PTPRB: variants seen among roughly 807,000 people sequenced by gnomAD.
PTPRB encodes protein tyrosine phosphatase receptor type B, also known as receptor-type tyrosine-protein phosphatase beta.
A neutral mutation model predicts 238.1 loss-of-function variants in PTPRB; 97 were observed. The ratio of observed to expected loss-of-function variants is 0.41; its 90% confidence interval spans 0.35 to 0.48. PTPRB has a LOEUF of 0.48. Among genes scored for constraint, PTPRB ranks in the 20% least tolerant of loss-of-function variants. PTPRB has a pLI of 0.30. For missense variants in PTPRB, 2,292 were observed against 2,681.9 expected (o/e 0.85, Z 3.21); for synonymous variants, 970 against 995.4 (o/e 0.97, Z 0.48).
At chr12:70,606,266 T>C (rs1422158042) in intron 4 of PTPRB, among the ~76,000 whole-genome samples, 3 of 152,240 alleles carry the variant, frequency 2.0e-5, no homozygotes, top group African/African-American at 7.2e-5. Flanking sequence ...CAGTATTATG[T>C]TTGATACATG....
chr12:70,536,061 G>A lies in PTPRB; in HGVS notation c.6045C>T (p.Asn2015=), dbSNP rs529751141. 6.2e-7 allele frequency: 1 copy of A among 1,613,816 alleles called. No homozygotes were observed. Among genetic ancestry groups the A allele is most frequent in the Non-Finnish European group, 8.5e-7 (1 of 1,179,802 alleles). Residue 2015 remains asparagine (N), a synonymous_variant, in exon 29 of 34, where the codon AAC becomes AAT. Transcript: ENST00000334414. The part of the protein sequence containing the change: ...WKMVWEQNVH[N]IVMVTQCVEK... ...CAACACACTGGGTCACCATGACGAT[G>A]TTGTGAACGTTTTGTTCCCACACCA...
At chr12:70,580,992 C>T (rs1176754812) in intron 10 of PTPRB, 44 bp downstream of exon 10, 1 of 1,583,542 alleles carries the variant, frequency 6.3e-7, no homozygotes, top group African/African-American at 1.3e-5. Context: ...GTCTCATGTA[C>T]TCAGATCTTA....
chr12:70,560,459 G>A lies in PTPRB; in HGVS notation c.4432+212C>T, dbSNP rs1442948369. ...GAGGCCTAGAGATGCTCAATGACTTGCCCAGATTCATAGAGCTAAGCTAAG... is the reference window on the plus strand; with the variant it reads ...GAGGCCTAGAGATGCTCAATGACTTACCCAGATTCATAGAGCTAAGCTAAG... On this transcript the variant is annotated intron_variant, in intron 17 of 33. Transcript: ENST00000334414. This position sits in a 1 kb window ranked among gnomAD's most constrained non-coding sequence, Gnocchi z 4.2. 6.6e-6 allele frequency among the ~76,000 whole-genome samples: 1 copy of A among 152,088 alleles called. No individual in the cohort carries two copies. The highest frequency in any genetic ancestry group is 1.5e-5 in the Non-Finnish European group (1 of 68,044).
chr12:70,618,761 A>T (rs1328085454), intron 3 of PTPRB, among the ~76,000 whole-genome samples: 2 of 152,244 alleles, frequency 1.3e-5, no homozygotes, highest in African/African-American at 4.8e-5. Flanking sequence ...ACTATTTATA[A>T]AAGTGACAAT....
chr12:70,526,551 AT>A (rs1872471738), intron 32 of PTPRB, among the ~76,000 whole-genome samples: 1 of 152,346 alleles, frequency 6.6e-6, no homozygotes, highest in East Asian at 1.9e-4. Context: ...GAGGCCTGCA[AT>A]AATATTGATA....
chr12:70,618,637 G>A (rs1884783254), intron 3 of PTPRB, among the ~76,000 whole-genome samples: 1 of 152,054 alleles, frequency 6.6e-6, no homozygotes, highest in Non-Finnish European at 1.5e-5. Context: ...ATAAGTTCTG[G>A]GACTAGGGTC....
In PTPRB at chr12:70,635,765, C is replaced by T. The variant is rs1885654396; in HGVS notation, c.357G>A (p.Val119=). Residue 119 remains valine, a synonymous_variant, in exon 2 of 34, where the codon GTG becomes GTA. Transcript: ENST00000334414. ...GGAGGTATTTCCTGGCCTTCTTGAC[C>T]ACTACTCTGGAGCCTTGTTTCTGGA... ...LFLQKQGSRV[V]VKKARKYLHS... is the part of the protein sequence containing the mutation. The T allele has an allele frequency of 6.2e-7, 1 of 1,613,728 alleles. No homozygotes were observed. Among genetic ancestry groups the T allele is most frequent in the Admixed American group, 1.7e-5 (1 of 59,954 alleles).
intron 18 of PTPRB, chr12:70,559,125 A>T (rs922863129): frequency 9.8e-6 from 6 of 610,032 alleles, no homozygotes; most frequent in Non-Finnish European, 1.2e-5. Context: ...AGTACGTCCT[A>T]CCTAATTGTA....
At chr12:70,532,263 T>A in intron 31 of PTPRB, 93 bp from the exon 32 acceptor site, 1 of 1,409,466 alleles carries the variant, frequency 7.1e-7, no homozygotes. Context: ...TTTTTTTCCC[T>A]TCCCAGTTAT....
At position 70,624,050 on chromosome 12, in the gene PTPRB, T is replaced by C. The variant is rs182087747; in HGVS notation, c.452-1404A>G. Among the ~76,000 whole-genome samples, 508 of 152,310 alleles carry C rather than the reference T, an allele frequency of 3.3e-3. 4 individuals are homozygous for C. The highest frequency in any genetic ancestry group is 4.6e-3 in the Non-Finnish European group (315 of 68,012). ...TAAAATAATCTTGGCTATAAAGCAG[T>C]CTTTCCTTGAGATACAAAGGGTTGT... On this transcript the variant is annotated intron_variant, in intron 2 of 33. Transcript: ENST00000334414.
At chr12:70,544,010 C>T (rs1875574566) in intron 22 of PTPRB, among the ~76,000 whole-genome samples, 1 of 152,192 alleles carries the variant, frequency 6.6e-6, no homozygotes, top group Non-Finnish European at 1.5e-5. Flanking sequence ...CAGGCTTTCC[C>T]TCTAACACAC....
At chr12:70,564,147 T>C (rs1391035641) in intron 15 of PTPRB, among the ~76,000 whole-genome samples, 1 of 152,184 alleles carries the variant, frequency 6.6e-6, no homozygotes, top group Non-Finnish European at 1.5e-5. Flanking sequence ...TGCATGACTT[T>C]CTCATTTCTT....
intron 4 of PTPRB, 113 bp downstream of exon 4, chr12:70,608,956 G>T: frequency 1.5e-6 from 2 of 1,357,006 alleles, no homozygotes; most frequent in Non-Finnish European, 2.0e-6. Context: ...ATCTTCACAG[G>T]TATTTTTACC....
chr12:70,605,527 A>T (rs977610084), intron 4 of PTPRB, among the ~76,000 whole-genome samples: 5 of 152,200 alleles, frequency 3.3e-5, no homozygotes, highest in Admixed American at 3.3e-4. Context: ...GCTCCCTAAA[A>T]TTTTCAAATG....
chr12:70,623,609 A>G (rs1246592497), intron 2 of PTPRB, among the ~76,000 whole-genome samples: 1 of 152,046 alleles, frequency 6.6e-6, no homozygotes, highest in Non-Finnish European at 1.5e-5. Context: ...CTTCCCATCA[A>G]CTCCATAGTG....
chr12:70,628,289 T>C (rs534988988), intron 2 of PTPRB, among the ~76,000 whole-genome samples: 1 of 152,348 alleles, frequency 6.6e-6, no homozygotes, highest in African/African-American at 2.4e-5. Context: ...TGACATTCTA[T>C]ATTCAGTGTT....
At chr12:70,586,949 T>A (rs1451274021) in intron 9 of PTPRB, 58 bp downstream of exon 9, 17 of 1,509,328 alleles carry the variant, frequency 1.1e-5, no homozygotes, top group Non-Finnish European at 1.4e-5. Flanking sequence ...AATTGCATGT[T>A]AAATAGTAAT....
At chr12:70,549,131 C>T (rs1339526285) in intron 21 of PTPRB, among the ~76,000 whole-genome samples, 1 of 152,128 alleles carries the variant, frequency 6.6e-6, no homozygotes, top group East Asian at 1.9e-4. Context: ...CCAGATAAGG[C>T]AATAAAATGT....
intron 11 of PTPRB, among the ~76,000 whole-genome samples, chr12:70,572,775 TAA>T (rs10709963): frequency 2.2e-4 from 21 of 93,940 alleles, no homozygotes; most frequent in Admixed American, 5.5e-4. Context: ...CTCCATCTCA[TAA>T]AAAAAAAAAA....
Sources: gnomAD v4.1 joint callset for allele counts (sites outside exome capture counted in the v4.1 genomes callset) on GRCh38, gnomAD v4.1.1 for gene constraint, Gnocchi (gnomAD v3.1) non-coding constraint, MANE v1.5 for transcripts, NCBI Gene and HGNC (gene_info 2026-07-23, HGNC 2026-07-21) for gene names.